Variants in STK39 observed in about 807,000 individuals in gnomAD.
STK39 encodes serine/threonine kinase 39, also known as STE20/SPS1-related proline-alanine-rich protein kinase.
STK39 carries 20 observed loss-of-function variants against 77.8 expected under a neutral mutation model. That is an observed-to-expected ratio of 0.26 (90% CI 0.18 to 0.37). STK39 has a LOEUF of 0.37. STK39 is among the 10% of genes least tolerant of loss of function. STK39 has a pLI of 1.00. For synonymous variants in STK39, 246 were observed against 234.1 expected (o/e 1.05, Z -0.47); for missense variants, 479 against 656.5 (o/e 0.73, Z 2.95).
intron 14 of STK39, among the ~76,000 whole-genome samples, chr2:168,045,273 C>T (rs933565888): frequency 6.6e-6 from 1 of 152,102 alleles, no homozygotes; most frequent in Admixed American, 6.5e-5. Flanking sequence ...CTTCTTTTAA[C>T]CTGCAGAGCA....
intron 14 of STK39, among the ~76,000 whole-genome samples, chr2:168,024,947 C>G (rs1004541182): frequency 6.6e-6 from 1 of 152,226 alleles, no homozygotes; most frequent in East Asian, 1.9e-4. Context: ...GTGCACATCC[C>G]TTACCCGCCT....
intron 10 of STK39, among the ~76,000 whole-genome samples, chr2:168,102,254 C>T (rs1480054982): frequency 6.6e-6 from 1 of 152,090 alleles, no homozygotes; most frequent in African/African-American, 2.4e-5. Flanking sequence ...GTGGCTGCAC[C>T]ATTTTATACT....
chr2:168,053,009 T>C (rs1484274445), intron 14 of STK39, among the ~76,000 whole-genome samples: 1 of 152,210 alleles, frequency 6.6e-6, no homozygotes, highest in East Asian at 1.9e-4. Flanking sequence ...CCCCATGTGC[T>C]TTGATACTGG....
chr2:168,235,580 T>A (rs55853381), intron 1 of STK39, among the ~76,000 whole-genome samples: 2,349 of 150,368 alleles, frequency 0.016, 80 homozygotes, highest in African/African-American at 0.055. Flanking sequence ...TATTAGGTAT[T>A]TCTCCTAATG....
At chr2:167,999,859 G>T (rs188951625) in intron 16 of STK39, among the ~76,000 whole-genome samples, 98 of 152,300 alleles carry the variant, frequency 6.4e-4, no homozygotes, top group African/African-American at 2.2e-3. Context: ...CGCTACTTCT[G>T]CATGGAAGCA....
chr2:168,014,127 CTAAACTA>C (rs1290886009), intron 15 of STK39, among the ~76,000 whole-genome samples: 2 of 152,154 alleles, frequency 1.3e-5, no homozygotes, highest in African/African-American at 4.8e-5. Flanking sequence ...AGGAATCTTA[CTAAACTA>C]TAAAGTTCCA....
intron 10 of STK39, among the ~76,000 whole-genome samples, chr2:168,107,896 C>T (rs759812495): frequency 6.6e-6 from 1 of 152,192 alleles, no homozygotes; most frequent in African/African-American, 2.4e-5. Context: ...TATACGGACA[C>T]CTGCTTTCGC....
chr2:168,018,961 A>G (rs1431153866), intron 14 of STK39, among the ~76,000 whole-genome samples: 8 of 152,056 alleles, frequency 5.3e-5, no homozygotes, highest in Non-Finnish European at 1.2e-4. Flanking sequence ...ACCTTTCCAT[A>G]AACAAAACAG....
At chr2:168,158,618 T>C (rs756265135) in intron 5 of STK39, among the ~76,000 whole-genome samples, 2 of 152,168 alleles carry the variant, frequency 1.3e-5, no homozygotes, top group Non-Finnish European at 2.9e-5. Flanking sequence ...TAGATGTGAG[T>C]TGACAGTTTC....
chr2:168,138,117 T>C lies in STK39; in HGVS notation c.945A>G (p.Ser315=), dbSNP rs1222593925. The C allele has an allele frequency of 2.5e-6, 4 of 1,613,910 alleles. No homozygotes were observed. Among genetic ancestry groups the C allele is most frequent in the Non-Finnish European group, 3.4e-6 (4 of 1,179,926 alleles). The change falls in exon 8 of 18, where the codon TCA becomes TCG. Residue 315 remains serine, a synonymous_variant. Coordinates refer to ENST00000355999, the MANE Select transcript of STK39 (RefSeq NM_013233.3). ...KYGKSFRKLL[S]LCLQKDPSKR... is the part of the protein sequence containing the mutation. ...TGGAAGGATCTTTCTGAAGACACAG[T>C]GAAAGTAATTTTCTAAAGGACTTGC...
chr2:167,973,550 T>G lies in STK39; in HGVS notation c.1499-8824A>C, dbSNP rs116711234. ...GAAGTCCAAACATGGTCTGTGTAAG[T>G]CGTGAAAAGATTTGTGAAAGAAAAT... is the stretch of plus-strand genomic sequence containing the variant. On this transcript the variant is annotated intron_variant, in intron 16 of 17. Coordinates refer to ENST00000355999, the MANE Select transcript of STK39 (RefSeq NM_013233.3). Among the ~76,000 whole-genome samples, 120 of 152,330 alleles carry G rather than the reference T, an allele frequency of 7.9e-4. 1 individual carries two copies. Among genetic ancestry groups the G allele is most frequent in the African/African-American group, 2.8e-3 (116 of 41,586 alleles).
Position 168,075,118 on chromosome 2 carries a change from A to G in STK39, c.1203T>C (p.Ser401=), listed in dbSNP as rs1014759617. ...EKSEEGKAAF[S]QEKSRRVKEE... ...CAACGATGTCATTTACCTTTTCCTG[A>G]GAAAAAGCTGCTTTCCCTTCTTCGC... The change falls in exon 11 of 18, where the codon TCT becomes TCC. Residue 401 remains serine, a synonymous_variant. Transcript: ENST00000355999. 1.9e-6 allele frequency: 3 copies of G among 1,614,202 alleles called. No individual in the cohort carries two copies. Among genetic ancestry groups the G allele is most frequent in the Non-Finnish European group, 2.5e-6 (3 of 1,180,032 alleles).
chr2:168,133,536 AGAAAGAAT>A (rs1559112952), intron 8 of STK39, among the ~76,000 whole-genome samples: 1 of 152,130 alleles, frequency 6.6e-6, no homozygotes, highest in African/African-American at 2.4e-5. Flanking sequence ...TATCTCCATG[AGAAAGAAT>A]GAAAGAATGG....
At position 168,104,504 on chromosome 2, in the gene STK39, G is replaced by A. The variant is rs187317979; in HGVS notation, c.1089+25037C>T. On this transcript the variant is annotated intron_variant, in intron 10 of 17. Transcript: ENST00000355999. Reference sequence around the variant, plus strand: ...GGAACTGTGAAGGTGTGAGCCCATAGGGGGAGTTACATGTGTGTATGTATG... The same window carrying A: ...GGAACTGTGAAGGTGTGAGCCCATAAGGGGAGTTACATGTGTGTATGTATG... 2.8e-3 allele frequency among the ~76,000 whole-genome samples: 421 copies of A among 152,328 alleles called. 1 individual carries two copies. Among genetic ancestry groups the A allele is most frequent in the Non-Finnish European group, 4.7e-3 (322 of 68,026 alleles).
At chr2:168,146,939 G>T (rs1688155212) in intron 5 of STK39, among the ~76,000 whole-genome samples, 1 of 152,204 alleles carries the variant, frequency 6.6e-6, no homozygotes. Context: ...TAGATGACTT[G>T]CCAAGGAACA....
At chr2:168,154,405 GCTA>G (rs1559123371) in intron 5 of STK39, among the ~76,000 whole-genome samples, 2 of 152,190 alleles carry the variant, frequency 1.3e-5, no homozygotes, top group Admixed American at 6.5e-5. Context: ...GCCTAGACTG[GCTA>G]CTGTGTCCTC....
At chr2:168,014,490 A>C (rs901430216) in intron 15 of STK39, among the ~76,000 whole-genome samples, 1 of 147,496 alleles carries the variant, frequency 6.8e-6, no homozygotes, top group African/African-American at 2.6e-5. Context: ...AGAAAAAAAT[A>C]AAAAAAAAAC....
At chr2:167,975,234 T>C (rs1683243548) in intron 16 of STK39, among the ~76,000 whole-genome samples, 1 of 152,168 alleles carries the variant, frequency 6.6e-6, no homozygotes, top group Non-Finnish European at 1.5e-5. Flanking sequence ...CAATTGAGTA[T>C]TTGGTATCAT....
At chr2:168,045,096 T>TTCAA (rs1409161790) in intron 14 of STK39, among the ~76,000 whole-genome samples, 1 of 152,104 alleles carries the variant, frequency 6.6e-6, no homozygotes, top group Admixed American at 6.5e-5. Flanking sequence ...CCCAACATTG[T>TTCAA]TCATTTGCAT....
Sources: allele counts gnomAD v4.1 joint callset (sites outside exome capture counted in the v4.1 genomes callset), GRCh38; gene constraint gnomAD v4.1.1; transcripts MANE v1.5; gene names NCBI Gene and HGNC (gene_info 2026-07-23, HGNC 2026-07-21).